EPPK1: variants seen among roughly 807,000 people sequenced by gnomAD.
EPPK1 encodes the protein epiplakin 1.
For missense variants in EPPK1, 3,823 were observed against 3,673.3 expected (o/e 1.04, Z -1.05); for synonymous variants, 1,862 against 1,721.2 (o/e 1.08, Z -2.03).
At position 143,866,698 on chromosome 8, in the gene EPPK1, G is replaced by T. The variant is rs1241139498; in HGVS notation, c.6556C>A (p.Leu2186Ile). ...GIRRQITASELLSSAIITEEM... is the reference protein window; with the variant it reads ...GIRRQITASEILSSAIITEEM... ...TCCGTGATTATGGCTGAGCTGAGGA[G>T]TTCAGAAGCTGTGATCTGTCGTCTA... Residue 2186 changes from leucine to isoleucine, a missense_variant, in exon 2 of 2, where the codon CTC (leucine) becomes ATC (isoleucine). Physicochemically the swap from Leu to Ile is conservative, Grantham distance 5 (BLOSUM62 2). Transcript: ENST00000615648. 3 of 1,613,268 alleles carry T rather than the reference G, an allele frequency of 1.9e-6. No individual in the cohort carries two copies. Among genetic ancestry groups the T allele is most frequent in the South Asian group, 1.1e-5 (1 of 91,090 alleles).
At position 143,869,794 on chromosome 8, in the gene EPPK1, T is replaced by G; in HGVS notation, c.3460A>C (p.Thr1154Pro). 2 of 1,605,296 alleles carry G rather than the reference T, an allele frequency of 1.2e-6. No individual in the cohort carries two copies. The highest frequency in any genetic ancestry group is 1.7e-6 in the Non-Finnish European group (2 of 1,176,794). The change falls in exon 2 of 2, where the codon ACC becomes CCC. Residue 1154 changes from threonine (T) to proline (P), a missense_variant. Transcript: ENST00000615648. ...LWDLLSSCHF[T>P]EEQRRGLLED... The stretch of plus-strand genomic sequence containing the variant: ...AGCAGGCCCCTCCGTTGCTCCTCGG[T>G]GAAGTGGCAGGAGCTGAGCAGGTCC...
chr8:143,876,095 T>C (rs1819472168), intron 1 of EPPK1, among the ~76,000 whole-genome samples: 3 of 152,140 alleles, frequency 2.0e-5, no homozygotes, highest in Admixed American at 2.0e-4. Flanking sequence ...GCTATGCTGC[T>C]CCCAGGCCCA....
chr8:143,868,108 G>T lies in EPPK1; in HGVS notation c.5146C>A (p.Arg1716Ser). ...RCGYFDEEMNRILADPSDDTK... is the reference protein window; with the variant it reads ...RCGYFDEEMNSILADPSDDTK... The stretch of plus-strand genomic sequence containing the variant: ...TCGTCGCTGGGGTCCGCCAGGATGC[G>T]GTTCATCTCCTCGTCGAAGTAGCCG... Residue 1716 changes from arginine (R) to serine (S), a missense_variant, in exon 2 of 2, where the codon CGC becomes AGC. Transcript: ENST00000615648. 6.2e-7 allele frequency: 1 copy of T among 1,613,306 alleles called. No homozygotes were observed. The highest frequency in any genetic ancestry group is 2.2e-5 in the East Asian group (1 of 44,886).
Position 143,869,209 on chromosome 8 carries a change from G to A in EPPK1, c.4045C>T (p.Gln1349Ter), listed in dbSNP as rs1170049660. ...TGCAGGAGGGGCAAGCCCTCGTTCT[G>A]TGGCACGAGCCCCTTCTCCATGGCC... ...WQAMEKGLVPQNEGLPLLQVQ... is the reference protein window; with the variant it reads ...WQAMEKGLVP The change falls in exon 2 of 2, where the codon CAG becomes TAG. Residue 1349 changes from glutamine to a stop codon, truncating the protein, a stop_gained. Transcript: ENST00000615648. LOFTEE classifies it low-confidence loss of function (END_TRUNC). 3.7e-5 allele frequency: 60 copies of A among 1,610,282 alleles called. No homozygotes were observed. Among genetic ancestry groups the A allele is most frequent in the Non-Finnish European group, 4.5e-5 (53 of 1,179,736 alleles).
intron 1 of EPPK1, 148 bp from the exon 2 acceptor site, chr8:143,873,446 C>T (rs1586702447): frequency 1.9e-6 from 1 of 538,936 alleles, no homozygotes; most frequent in East Asian, 3.4e-5. Context: ...GCTGAGTCTG[C>T]CCAGGAGCAC....
In EPPK1 at chr8:143,867,809, C is replaced by T. The variant is rs782776705; in HGVS notation, c.5445G>A (p.Gln1815=). ...FTEDRKRELI[Q]EYGAQSGGLE... is the part of the protein sequence containing the mutation. ...GGCCCCCACTCTGGGCTCCATACTC[C>T]TGGATGAGCTCCCGCTTCCTGTCCT... The change falls in exon 2 of 2, where the codon CAG becomes CAA. Residue 1815 remains glutamine, a synonymous_variant. Transcript: ENST00000615648. 6.2e-7 allele frequency: 1 copy of T among 1,613,496 alleles called. No individual in the cohort carries two copies. The highest frequency in any genetic ancestry group is 8.5e-7 in the Non-Finnish European group (1 of 1,179,872).
chr8:143,871,984 G>A lies in EPPK1; in HGVS notation c.1270C>T (p.Leu424=), dbSNP rs1554661381. ...AGCTGCCGCTGAGTGTCTTCATCCA[G>A]GCAGCCGCAGCGCAGGGCGGCCTCC... is the stretch of plus-strand genomic sequence containing the variant. ...PLEAALRCGC[L]DEDTQRQLSQ... The change falls in exon 2 of 2, where the codon CTG becomes TTG. Residue 424 remains leucine, a synonymous_variant. Coordinates refer to ENST00000615648, the MANE Select transcript of EPPK1 (RefSeq NM_031308.4). 6.3e-7 allele frequency: 1 copy of A among 1,592,340 alleles called. No individual in the cohort carries two copies. The highest frequency in any genetic ancestry group is 8.5e-7 in the Non-Finnish European group (1 of 1,173,832).
In EPPK1 at chr8:143,867,643, G is replaced by A. The variant is rs782205604; in HGVS notation, c.5611C>T (p.His1871Tyr). Residue 1871 changes from histidine (H) to tyrosine (Y), a missense_variant, in exon 2 of 2, where the codon CAC (histidine) becomes TAC (tyrosine). His to Tyr is a moderately conservative substitution (Grantham distance 83). Coordinates refer to ENST00000615648, the MANE Select transcript of EPPK1 (RefSeq NM_031308.4). ...NSRVIDQKTL[H>Y]TLRVGRTGGQ... is the part of the protein sequence containing the mutation. ...CCAGTCCTCCCCACACGAAGTGTGT[G>A]CAGGGTCTTCTGATCGATGACCCTG... 1.2e-6 allele frequency: 2 copies of A among 1,613,400 alleles called. No homozygotes were observed. Among genetic ancestry groups the A allele is most frequent in the South Asian group, 2.2e-5 (2 of 91,086 alleles).
At chr8:143,878,976 G>A (rs1819546179), upstream of EPPK1, among the ~76,000 whole-genome samples, 1 of 152,146 alleles carries the variant, frequency 6.6e-6, no homozygotes, top group Admixed American at 6.5e-5. Flanking sequence ...CCTGCCTGGA[G>A]CAGTGCCAGG....
At position 143,873,013 on chromosome 8, in the gene EPPK1, T is replaced by A; in HGVS notation, c.241A>T (p.Thr81Ser). Residue 81 changes from threonine to serine, a missense_variant, in exon 2 of 2, where the codon ACT becomes TCT. By Grantham distance (58) the Thr-to-Ser change is moderately conservative. Coordinates refer to ENST00000615648, the MANE Select transcript of EPPK1 (RefSeq NM_031308.4). Reference protein sequence around the residue: ...GQALLEAQAATGGLVDLARGQ... With the variant: ...GQALLEAQAASGGLVDLARGQ... ...CGGGCGAGGTCCACCAGGCCCCCAG[T>A]GGCTGCCTGGGCCTCTAGCAGAGCC... The A allele has an allele frequency of 6.3e-7, 1 of 1,575,980 alleles. No individual in the cohort carries two copies. The highest frequency in any genetic ancestry group is 1.1e-5 in the South Asian group (1 of 87,156).
rs1819189410 is a variant in EPPK1 at position 143,867,949 on chromosome 8, T to C, written c.5305A>G (p.Ile1769Val). 6 of 1,613,602 alleles carry C rather than the reference T, an allele frequency of 3.7e-6. No homozygotes were observed. Among genetic ancestry groups the C allele is most frequent in the African/African-American group, 1.3e-5 (1 of 74,922 alleles). ...IIKKGENYVY[I>V]NEATRHVLQS... ...AACACGTGTCTCGTGGCCTCATTGA[T>C]GTACACGTAGTTTTCTCCTTTCTTT... Residue 1769 changes from isoleucine (I) to valine (V), a missense_variant, in exon 2 of 2, where the codon ATC becomes GTC. Coordinates refer to ENST00000615648, the MANE Select transcript of EPPK1 (RefSeq NM_031308.4).
chr8:143,875,569 G>A lies in EPPK1; in HGVS notation c.-45-2271C>T, dbSNP rs547435340. ...GTCAGGTGGCTGGGAAGACGTGGAG[G>A]ATTCAGAGGACCATGGAGTAGGGCT... On this transcript the variant is annotated intron_variant, in intron 1 of 1. Transcript: ENST00000615648. Among the ~76,000 whole-genome samples the A allele has an allele frequency of 7.2e-5, 11 of 152,400 alleles. 2 individuals are homozygous for A. The highest frequency in any genetic ancestry group is 2.6e-4 in the African/African-American group (11 of 41,598).
rs782448561 is a variant in EPPK1 at position 143,868,930 on chromosome 8, C to T, written c.4324G>A (p.Val1442Met). 58 of 1,611,004 alleles carry T rather than the reference C, an allele frequency of 3.6e-5. 1 individual carries two copies. The highest frequency in any genetic ancestry group is 3.3e-4 in the Admixed American group (20 of 60,008). ...LPLPSDTVLE[V>M]DDHTAVALRA... Reference sequence around the variant, plus strand: ...AGAGCCACCGCGGTGTGGTCGTCCACCTCAAGCACTGTGTCTGAGGGCAGT... The same window carrying T: ...AGAGCCACCGCGGTGTGGTCGTCCATCTCAAGCACTGTGTCTGAGGGCAGT... Residue 1442 changes from valine to methionine, a missense_variant, in exon 2 of 2, where the codon GTG (valine) becomes ATG (methionine). By Grantham distance (21) the Val-to-Met change is conservative. Transcript: ENST00000615648.
At position 143,868,929 on chromosome 8, in the gene EPPK1, A is replaced by G; in HGVS notation, c.4325T>C (p.Val1442Ala). The stretch of plus-strand genomic sequence containing the variant: ...CAGAGCCACCGCGGTGTGGTCGTCC[A>G]CCTCAAGCACTGTGTCTGAGGGCAG... ...LPLPSDTVLE[V>A]DDHTAVALRA... Residue 1442 changes from valine to alanine, a missense_variant, in exon 2 of 2, where the codon GTG (valine) becomes GCG (alanine). Physicochemically the swap from Val to Ala is moderately conservative, Grantham distance 64 (BLOSUM62 0). Transcript: ENST00000615648. 1 of 1,610,348 alleles carries G rather than the reference A, an allele frequency of 6.2e-7. No homozygotes were observed. The highest frequency in any genetic ancestry group is 8.5e-7 in the Non-Finnish European group (1 of 1,179,746).
intron 1 of EPPK1, among the ~76,000 whole-genome samples, chr8:143,877,492 C>T (rs2130663024): frequency 6.6e-6 from 1 of 152,282 alleles, no homozygotes; most frequent in Middle Eastern, 3.4e-3. Flanking sequence ...TTCCCCACTT[C>T]AGGTGGCCCC....
chr8:143,872,444 G>C lies in EPPK1; in HGVS notation c.810C>G (p.Asp270Glu), dbSNP rs782787665. The C allele has an allele frequency of 6.3e-7, 1 of 1,597,774 alleles. No homozygotes were observed. Among genetic ancestry groups the C allele is most frequent in the Admixed American group, 1.7e-5 (1 of 59,472 alleles). ...GCCGCACCTCGGCACGTGCACTCAC[G>C]TCCACTGCGGCCAGCCTGCCCTCCC... ...GLREGRLAAV[D>E]VSARAEVRRY... The change falls in exon 2 of 2, where the codon GAC becomes GAG. Residue 270 changes from aspartate to glutamate, a missense_variant. Asp to Glu is a conservative substitution (Grantham distance 45). Transcript: ENST00000615648.
Position 143,869,900 on chromosome 8 carries a change from A to G in EPPK1, c.3354T>C (p.Ser1118=), listed in dbSNP as rs1819281156. 1.9e-6 allele frequency: 3 copies of G among 1,608,638 alleles called. No individual in the cohort carries two copies. The highest frequency in any genetic ancestry group is 1.1e-5 in the South Asian group (1 of 90,132). Residue 1118 remains serine, a synonymous_variant, in exon 2 of 2, where the codon AGT becomes AGC. Coordinates refer to ENST00000615648, the MANE Select transcript of EPPK1 (RefSeq NM_031308.4). ...SGLHLLPLPE[S]APALPTEEQV... The stretch of plus-strand genomic sequence containing the variant: ...GCTCCTCGGTGGGGAGGGCAGGAGC[A>G]CTTTCTGGCAGGGGCAGGAGGTGAA...
rs536400290 is a variant in EPPK1 at position 143,870,141 on chromosome 8, C to G, written c.3113G>C (p.Arg1038Pro). 6.2e-7 allele frequency: 1 copy of G among 1,611,502 alleles called. No individual in the cohort carries two copies. Among genetic ancestry groups the G allele is most frequent in the East Asian group, 2.2e-5 (1 of 44,842 alleles). The change falls in exon 2 of 2, where the codon CGC becomes CCC. Residue 1038 changes from arginine to proline, a missense_variant. Transcript: ENST00000615648. This position sits in a 1 kb window ranked among gnomAD's most constrained non-coding sequence, Gnocchi z 5.2. Reference sequence around the variant, plus strand: ...TGTGGCCACTTGAGCCTCCAGGAGGCGGGCAGCTTGCTCCCAAGGGATGAG... The same window carrying G: ...TGTGGCCACTTGAGCCTCCAGGAGGGGGGCAGCTTGCTCCCAAGGGATGAG... The part of the protein sequence containing the change: ...KGLIPWEQAA[R>P]LLEAQVATGG...
rs1554660625 is a variant in EPPK1 at position 143,870,101 on chromosome 8, G to A, written c.3153C>T (p.Asp1051=). The stretch of plus-strand genomic sequence containing the variant: ...TGGGGAGGTGGTGGTGGCTGGTGGG[G>A]TCAATGATCCCTCCTGTGGCCACTT... The part of the protein sequence containing the change: ...EAQVATGGII[D]PTSHHHLPMP... The change falls in exon 2 of 2, where the codon GAC becomes GAT. Residue 1051 remains aspartate, a synonymous_variant. Coordinates refer to ENST00000615648, the MANE Select transcript of EPPK1 (RefSeq NM_031308.4). This position sits in a 1 kb window ranked among gnomAD's most constrained non-coding sequence, Gnocchi z 5.2. 2 of 1,610,774 alleles carry A rather than the reference G, an allele frequency of 1.2e-6. No individual in the cohort carries two copies. Among genetic ancestry groups the A allele is most frequent in the South Asian group, 1.1e-5 (1 of 90,700 alleles).
Sources: gnomAD v4.1 joint callset for allele counts (sites outside exome capture counted in the v4.1 genomes callset) on GRCh38, gnomAD v4.1.1 for gene constraint, Gnocchi (gnomAD v3.1) non-coding constraint, MANE v1.5 for transcripts, NCBI Gene and HGNC (gene_info 2026-07-23, HGNC 2026-07-21) for gene names.